The following HIPK4 variants were observed in gnomAD, a reference collection of about 807,000 sequenced individuals.
HIPK4 encodes homeodomain-interacting protein kinase 4.
Under a neutral mutation model 44.8 loss-of-function variants are expected in HIPK4, and 26 were observed. The observed-to-expected ratio is 0.58, with a 90% CI of 0.43 to 0.80. The LOEUF is 0.80. Among genes scored for constraint, HIPK4 ranks in the 30% least tolerant of loss-of-function variants. The pLI, the probability that HIPK4 is intolerant of heterozygous loss-of-function variation, is 0.00. For missense variants in HIPK4, 729 were observed against 862.6 expected, an observed-to-expected ratio of 0.85 and a Z score of 1.94; for synonymous variants, 340 against 355.5, an observed-to-expected ratio of 0.96 and a Z score of 0.49.
At chr19:40,385,948 T>C (rs1322189979) in intron 1 of HIPK4, among the ~76,000 whole-genome samples, 1 of 151,514 alleles carries the variant, frequency 6.6e-6, no homozygotes, top group Non-Finnish European at 1.5e-5. Context: ...CCGCAGGTGA[T>C]CCACTCGCCT....
intron 1 of HIPK4, among the ~76,000 whole-genome samples, chr19:40,388,694 C>T (rs529861905): frequency 6.6e-6 from 1 of 152,320 alleles, no homozygotes; most frequent in African/African-American, 2.4e-5. Context: ...TTAAGTCAGC[C>T]CCAGCCTTGC....
In HIPK4 at chr19:40,380,256, T is replaced by C; in HGVS notation, c.1668+67A>G. The C allele has an allele frequency of 6.5e-7, 1 of 1,532,642 alleles. No homozygotes were observed. The highest frequency in any genetic ancestry group is 8.8e-7 in the Non-Finnish European group (1 of 1,140,754). The allele number at this position is 1,532,642 out of a possible 1,614,324, so 94.9% of individuals were successfully genotyped here. ...GCCTCCTCACACACTAATCATATCC[T>C]GAGCACGGGTGAGTGTGTGCTGAGC... On this transcript the variant is annotated intron_variant, in intron 3 of 3. Transcript: ENST00000291823. This position sits in a 1 kb window ranked among gnomAD's most constrained non-coding sequence, Gnocchi z 4.2.
chr19:40,388,214 C>T (rs2079372204), intron 1 of HIPK4, among the ~76,000 whole-genome samples: 1 of 151,996 alleles, frequency 6.6e-6, no homozygotes, highest in Admixed American at 6.6e-5. Flanking sequence ...GACGAGGTTT[C>T]ACCATATTGG....
Position 40,390,128 on chromosome 19 carries a change from G to A in HIPK4, c.-226C>T. On this transcript the variant is annotated 5_prime_UTR_variant, in exon 1 of 4. Coordinates refer to ENST00000291823, the MANE Select transcript of HIPK4 (RefSeq NM_144685.5). ...TGCACCCCTCCCCAGAAACCCTCCT[G>A]GCTTGGGATGAGGGGCCCCAGGCCC... The A allele has an allele frequency of 1.8e-6, 1 of 568,680 alleles. No individual in the cohort carries two copies. The highest frequency in any genetic ancestry group is 2.2e-5 in the South Asian group (1 of 46,270). The allele number at this position is 568,680 out of a possible 1,614,324, so 35.2% of individuals were successfully genotyped here.
In HIPK4 at chr19:40,380,879, A is replaced by T. The variant is rs1230944734; in HGVS notation, c.1112T>A (p.Leu371His). 6.2e-7 allele frequency: 1 copy of T among 1,607,024 alleles called. No homozygotes were observed. Among genetic ancestry groups the T allele is most frequent in the South Asian group, 1.1e-5 (1 of 90,976 alleles). Residue 371 changes from leucine to histidine, a missense_variant, in exon 3 of 4, where the codon CTC becomes CAC. Physicochemically the swap from Leu to His is moderately conservative, Grantham distance 99. Transcript: ENST00000291823. This position sits in a 1 kb window ranked among gnomAD's most constrained non-coding sequence, Gnocchi z 4.2. ...YYQLSLRSYR[L>H]SLQVEGKPPT... ...GGGCTTCCCCTCCACTTGCAGCGAGAGGCGGTAGCTGCGCAGCGAGAGCTG... is the reference window on the plus strand; with the variant it reads ...GGGCTTCCCCTCCACTTGCAGCGAGTGGCGGTAGCTGCGCAGCGAGAGCTG...
chr19:40,380,488 G>T lies in HIPK4; in HGVS notation c.1503C>A (p.Phe501Leu). ...CCTGGCTCAGCCGAATGAGGTTGCT[G>T]AAGTTGGAGTCGGACTTGGAACCCG... ...PPAGSKSDSN[F>L]SNLIRLSQVS... Residue 501 changes from phenylalanine to leucine, a missense_variant, in exon 3 of 4, where the codon TTC becomes TTA. Physicochemically the swap from Phe to Leu is conservative, Grantham distance 22. This residue lies in a region of HIPK4 where 533 missense variants were observed against 567.5 expected (regional missense o/e 0.94). Coordinates refer to ENST00000291823, the MANE Select transcript of HIPK4 (RefSeq NM_144685.5). The surrounding 1 kb of genome is among the most constrained non-coding windows in gnomAD (Gnocchi z 4.2). The T allele has an allele frequency of 6.2e-7, 1 of 1,612,388 alleles. No homozygotes were observed. Among genetic ancestry groups the T allele is most frequent in the Non-Finnish European group, 8.5e-7 (1 of 1,180,008 alleles).
chr19:40,388,610 T>C (rs1568697926), intron 1 of HIPK4, among the ~76,000 whole-genome samples: 2 of 152,236 alleles, frequency 1.3e-5, no homozygotes, highest in Non-Finnish European at 2.9e-5. Context: ...TCTGTCTCTG[T>C]GTCTCTGGCA....
Position 40,389,170 on chromosome 19 carries a change from A to C in HIPK4, c.465+268T>G, listed in dbSNP as rs1176344177. 3.5e-5 allele frequency among the ~76,000 whole-genome samples: 5 copies of C among 143,040 alleles called. No homozygotes were observed. Among genetic ancestry groups the C allele is most frequent in the African/African-American group, 1.3e-4 (5 of 38,214 alleles). 93.8% of individuals were successfully genotyped at this position (143,040 alleles called of 152,430 possible). On this transcript the variant is annotated intron_variant, in intron 1 of 3. Coordinates refer to ENST00000291823, the MANE Select transcript of HIPK4 (RefSeq NM_144685.5). This position sits in a 1 kb window ranked among gnomAD's most constrained non-coding sequence, Gnocchi z 4.6. The stretch of plus-strand genomic sequence containing the variant: ...CACCCCGTCTCTGATAAGTACAAAA[A>C]AAAAATTAGCTGGGCGTGGTGGCGC...
Position 40,379,719 on chromosome 19 carries a change from C to A in HIPK4, c.1719G>T (p.Leu573=). The A allele has an allele frequency of 6.2e-7, 1 of 1,611,108 alleles. No homozygotes were observed. Among genetic ancestry groups the A allele is most frequent in the South Asian group, 1.1e-5 (1 of 90,590 alleles). The part of the protein sequence containing the change: ...FDPSSCPGEW[L]SEPDCTLESV... ...TCTCCAGGGTGCAGTCTGGCTCACT[C>A]AGCCATTCTCCAGGACAGCTGCTGG... Residue 573 remains leucine (L), a synonymous_variant, in exon 4 of 4, where the codon CTG becomes CTT. Transcript: ENST00000291823.
intron 1 of HIPK4, among the ~76,000 whole-genome samples, 163 bp from the exon 2 acceptor site, chr19:40,384,302 T>A (rs1458545923): frequency 6.6e-6 from 1 of 151,988 alleles, no homozygotes; most frequent in Non-Finnish European, 1.5e-5. Context: ...TTTTTGTTTG[T>A]TTGTTTGTTT....
In HIPK4 at chr19:40,389,436, A is replaced by G; in HGVS notation, c.465+2T>C. 6.4e-7 allele frequency: 1 copy of G among 1,567,046 alleles called. No individual in the cohort carries two copies. The highest frequency in any genetic ancestry group is 1.2e-5 in the South Asian group (1 of 84,016). On this transcript the variant is annotated splice_donor_variant, in intron 1 of 3. Coordinates refer to ENST00000291823, the MANE Select transcript of HIPK4 (RefSeq NM_144685.5). LOFTEE classifies it high-confidence loss of function. This position sits in a 1 kb window ranked among gnomAD's most constrained non-coding sequence, Gnocchi z 4.6. ...CAGCCACCCTAGACGACCCCTACTC[A>G]CCTTGACCCTGAAGGGGCAGCGGGT...
Position 40,379,320 on chromosome 19 carries a change from G to T in HIPK4, c.*267C>A. ...AGACAGAGGCAGCAGGGCCAAGGGC[G>T]AGCGCAGGGCCAGCGGGGTGCAGCC... is the stretch of plus-strand genomic sequence containing the variant. On this transcript the variant is annotated 3_prime_UTR_variant, in exon 4 of 4. Transcript: ENST00000291823. 2.1e-6 allele frequency: 1 copy of T among 476,754 alleles called. No individual in the cohort carries two copies. Among genetic ancestry groups the T allele is most frequent in the Non-Finnish European group, 3.7e-6 (1 of 271,766 alleles). The allele number at this position is 476,754 out of a possible 1,614,324, so 29.5% of individuals were successfully genotyped here.
intron 1 of HIPK4, 119 bp from the exon 2 acceptor site, chr19:40,384,258 C>T: frequency 2.7e-6 from 2 of 745,406 alleles, no homozygotes; most frequent in Non-Finnish European, 4.5e-6. Context: ...CTCTGGCCAT[C>T]TCTGGGTCTG....
chr19:40,379,877 C>G (rs1219121008), intron 3 of HIPK4, 108 bp from the exon 4 acceptor site: 7 of 1,192,056 alleles, frequency 5.9e-6, no homozygotes, highest in Non-Finnish European at 8.1e-6. Context: ...TAGGGTCTTA[C>G]CAGTGCTGGG....
chr19:40,379,429 A>C lies in HIPK4; in HGVS notation c.*158T>G. Reference sequence around the variant, plus strand: ...GTTTAGGAGAGGTGTGCAGGCACGCACCGCACCGCAGACGGGGAATGAGAA... The same window carrying C: ...GTTTAGGAGAGGTGTGCAGGCACGCCCCGCACCGCAGACGGGGAATGAGAA... On this transcript the variant is annotated 3_prime_UTR_variant, in exon 4 of 4. Coordinates refer to ENST00000291823, the MANE Select transcript of HIPK4 (RefSeq NM_144685.5). The C allele has an allele frequency of 1.5e-6, 1 of 665,242 alleles. No individual in the cohort carries two copies. Among genetic ancestry groups the C allele is most frequent in the Non-Finnish European group, 2.4e-6 (1 of 408,316 alleles). 41.2% of individuals were successfully genotyped at this position (665,242 alleles called of 1,614,324 possible). A position where few individuals can be genotyped will look rare whatever the true frequency, so the allele number is the denominator to read the frequency against.
Position 40,379,306 on chromosome 19 carries a change from G to C in HIPK4, c.*281C>G, listed in dbSNP as rs897853564. The C allele has an allele frequency of 4.5e-6, 2 of 439,788 alleles. No individual in the cohort carries two copies. The highest frequency in any genetic ancestry group is 8.0e-6 in the Non-Finnish European group (2 of 248,702). 27.2% of individuals were successfully genotyped at this position (439,788 alleles called of 1,614,324 possible). On this transcript the variant is annotated 3_prime_UTR_variant, in exon 4 of 4. Coordinates refer to ENST00000291823, the MANE Select transcript of HIPK4 (RefSeq NM_144685.5). Reference sequence around the variant, plus strand: ...TTCTATATTGAAATAGACAGAGGCAGCAGGGCCAAGGGCGAGCGCAGGGCC... The same window carrying C: ...TTCTATATTGAAATAGACAGAGGCACCAGGGCCAAGGGCGAGCGCAGGGCC...
rs753032584 is a variant in HIPK4, at chr19:40,379,641, A to T, written c.1797T>A (p.His599Gln). ...AGCTGGTGGCCCCCCGGGGTGGACCATGCTGGTGGGAGCGGCGGGGTGGGA... is the reference window on the plus strand; with the variant it reads ...AGCTGGTGGCCCCCCGGGGTGGACCTTGCTGGTGGGAGCGGCGGGGTGGGA... The part of the protein sequence containing the change: ...QGLPPRRSHQ[H>Q]GPPRGATSFL... Residue 599 changes from histidine to glutamine, a missense_variant, in exon 4 of 4, where the codon CAT becomes CAA. Transcript: ENST00000291823. 25 of 1,562,738 alleles carry T rather than the reference A, an allele frequency of 1.6e-5. No individual in the cohort carries two copies. The African/African-American group carries it at 3.1e-4, about 20-fold the overall frequency.
rs779750757 is a variant in HIPK4, at chr19:40,389,429, C to A, written c.465+9G>T. Reference sequence around the variant, plus strand: ...AGGGACGCAGCCACCCTAGACGACCCCTACTCACCTTGACCCTGAAGGGGC... The same window carrying A: ...AGGGACGCAGCCACCCTAGACGACCACTACTCACCTTGACCCTGAAGGGGC... On this transcript the variant is annotated intron_variant, in intron 1 of 3. Transcript: ENST00000291823. The surrounding 1 kb of genome is among the most constrained non-coding windows in gnomAD (Gnocchi z 4.6). 6.5e-7 allele frequency: 1 copy of A among 1,549,436 alleles called. No individual in the cohort carries two copies. Among genetic ancestry groups the A allele is most frequent in the Non-Finnish European group, 8.7e-7 (1 of 1,143,590 alleles).
At position 40,390,120 on chromosome 19, in the gene HIPK4, AC is replaced by A. The variant is rs1396645325; in HGVS notation, c.-219del. 6 of 559,950 alleles carry A rather than the reference AC, an allele frequency of 1.1e-5. No homozygotes were observed. The Admixed American group carries it at 1.8e-4, about 17-fold the overall frequency. The allele number at this position is 559,950 out of a possible 1,614,324, so 34.7% of individuals were successfully genotyped here. On this transcript the variant is annotated 5_prime_UTR_variant, in exon 1 of 4. Coordinates refer to ENST00000291823, the MANE Select transcript of HIPK4 (RefSeq NM_144685.5). ...CCAGGGGCTGCACCCCTCCCCAGAA[AC>A]CCTCCTGGCTTGGGATGAGGGGCCC...
Sources: gnomAD v4.1 joint callset for allele counts (sites outside exome capture counted in the v4.1 genomes callset) on GRCh38, gnomAD v4.1.1 for gene constraint, gnomAD v4.1.1 regional missense constraint, Gnocchi (gnomAD v3.1) non-coding constraint, MANE v1.5 for transcripts, NCBI Gene and HGNC (gene_info 2026-07-23, HGNC 2026-07-21) for gene names.